GABRB1: variants seen among roughly 807,000 people sequenced by gnomAD.
GABRB1 encodes the protein gamma-aminobutyric acid type A receptor subunit beta1, also known as gamma-aminobutyric acid receptor subunit beta-1.
In GABRB1, 17 loss-of-function variants were observed where a neutral mutation model predicts 51.6. That is an observed-to-expected ratio of 0.33 (90% CI 0.23 to 0.49). The LOEUF is 0.49. Ranked by LOEUF, GABRB1 falls within the 20% of genes least tolerant of loss-of-function variation. GABRB1 has a pLI of 0.99. For synonymous variants in GABRB1, 247 were observed against 218.9 expected (o/e 1.13, Z -1.14); for missense variants, 410 against 600.6 (o/e 0.68, Z 3.32).
chr4:47,208,339 G>A (rs1720220618), intron 4 of GABRB1, among the ~76,000 whole-genome samples: 1 of 152,024 alleles, frequency 6.6e-6, no homozygotes, highest in South Asian at 2.1e-4. Flanking sequence ...TGAAGAGATG[G>A]GGAATGGGGA....
intron 4 of GABRB1, among the ~76,000 whole-genome samples, chr4:47,288,043 G>T (rs1033868578): frequency 1.3e-5 from 2 of 152,166 alleles, no homozygotes; most frequent in Admixed American, 6.5e-5. Context: ...AGCCCAGTTT[G>T]TTGGCTCGCA....
rs112482372 is a variant in GABRB1 at position 47,212,633 on chromosome 4, C to G, written c.461+51164C>G. Among the ~76,000 whole-genome samples the G allele has an allele frequency of 1.1e-4, 16 of 152,034 alleles. 1 individual carries two copies. The highest frequency in any genetic ancestry group is 7.2e-4 in the Admixed American group (11 of 15,254). ...GGTGGAGGTTGCAGTGAGCCGAGAT[C>G]GTGTTGCTGCACTCCAGCCTGAGTG... On this transcript the variant is annotated intron_variant, in intron 4 of 8. Transcript: ENST00000295454.
At chr4:47,160,572 C>A (rs940844033) in intron 3 of GABRB1, among the ~76,000 whole-genome samples, 1 of 152,076 alleles carries the variant, frequency 6.6e-6, no homozygotes, top group African/African-American at 2.4e-5. Context: ...CAAAACAGAA[C>A]TGTAATATAA....
rs60968247 is a variant in GABRB1 at position 47,246,337 on chromosome 4, CATATATATATATATATATAT to C, written c.462-73750_462-73731del. Among the ~76,000 whole-genome samples the C allele has an allele frequency of 5.4e-3, 289 of 53,264 alleles. 2 individuals carry two copies. The highest frequency in any genetic ancestry group is 7.0e-3 in the African/African-American group (126 of 18,038). The allele number at this position is 53,264 out of a possible 152,430, so 34.9% of individuals were successfully genotyped here. A position where few individuals can be genotyped will look rare whatever the true frequency, so the allele number is the denominator to read the frequency against. ...ACACACACACACACACACATATGTA[CATATATATATATATATATAT>C]ATATATATATATATATATATATATA... On this transcript the variant is annotated intron_variant, in intron 4 of 8. Transcript: ENST00000295454.
intron 4 of GABRB1, among the ~76,000 whole-genome samples, chr4:47,312,581 T>C (rs754728570): frequency 1.3e-5 from 2 of 152,224 alleles, no homozygotes; most frequent in Non-Finnish European, 2.9e-5. Flanking sequence ...ATATCAATCT[T>C]GTAACAGCTA....
chr4:47,168,056 T>C (rs1035427746), intron 4 of GABRB1, among the ~76,000 whole-genome samples: 8 of 152,196 alleles, frequency 5.3e-5, no homozygotes, highest in Non-Finnish European at 8.8e-5. Flanking sequence ...TATGCATACA[T>C]TGTAAGTATA....
At chr4:47,002,579 T>G (rs1400146445) in intron 1 of GABRB1, among the ~76,000 whole-genome samples, 1 of 151,914 alleles carries the variant, frequency 6.6e-6, no homozygotes, top group Non-Finnish European at 1.5e-5. Context: ...ATGTATGTGT[T>G]TTTTTTTCTG....
intron 3 of GABRB1, among the ~76,000 whole-genome samples, chr4:47,151,025 A>G (rs969587888): frequency 6.6e-6 from 1 of 151,936 alleles, no homozygotes; most frequent in African/African-American, 2.4e-5. Context: ...TATTCATTCT[A>G]TTTTAAGACT....
At chr4:47,175,805 C>T (rs926519100) in intron 4 of GABRB1, among the ~76,000 whole-genome samples, 5 of 152,128 alleles carry the variant, frequency 3.3e-5, no homozygotes, top group African/African-American at 1.2e-4. Flanking sequence ...AAGCTATATG[C>T]TTAGTCTGTC....
At chr4:47,280,143 T>C (rs1183478895) in intron 4 of GABRB1, among the ~76,000 whole-genome samples, 1 of 152,040 alleles carries the variant, frequency 6.6e-6, no homozygotes, top group Non-Finnish European at 1.5e-5. Flanking sequence ...TTTGAAATCT[T>C]TATCTTTTGT....
intron 3 of GABRB1, among the ~76,000 whole-genome samples, chr4:47,071,966 A>C (rs1018197482): frequency 2.0e-5 from 3 of 151,526 alleles, no homozygotes; most frequent in Non-Finnish European, 2.9e-5. Context: ...CCATTATGTG[A>C]TTGTAAATTT....
intron 1 of GABRB1, among the ~76,000 whole-genome samples, chr4:47,022,622 A>G (rs1431012687): frequency 1.3e-5 from 2 of 152,090 alleles, no homozygotes; most frequent in Admixed American, 1.3e-4. Context: ...CCCAGTTAAA[A>G]TAGCTTAGAT....
At chr4:47,257,530 G>C (rs1224593184) in intron 4 of GABRB1, among the ~76,000 whole-genome samples, 1 of 151,960 alleles carries the variant, frequency 6.6e-6, no homozygotes, top group Non-Finnish European at 1.5e-5. Flanking sequence ...CAAGCTCCTA[G>C]AGCCTGCTGT....
intron 5 of GABRB1, among the ~76,000 whole-genome samples, chr4:47,328,166 T>G (rs978650579): frequency 8.5e-5 from 13 of 152,202 alleles, no homozygotes; most frequent in Non-Finnish European, 5.9e-5. Context: ...TTGTTTGTTT[T>G]TTTTCTTGTA....
chr4:47,059,458 C>G (rs1329271006), intron 3 of GABRB1, among the ~76,000 whole-genome samples: 5 of 152,160 alleles, frequency 3.3e-5, no homozygotes, highest in Non-Finnish European at 5.9e-5. Context: ...AGGCATGCAA[C>G]ACGGCACCTG....
chr4:47,317,690 T>C (rs2109960116), intron 4 of GABRB1, among the ~76,000 whole-genome samples: 1 of 152,080 alleles, frequency 6.6e-6, no homozygotes, highest in East Asian at 1.9e-4. Flanking sequence ...AATGTTCATA[T>C]CTGTGAGCTT....
intron 3 of GABRB1, among the ~76,000 whole-genome samples, chr4:47,059,177 A>G (rs533918877): frequency 6.6e-6 from 1 of 152,330 alleles, no homozygotes; most frequent in Admixed American, 6.5e-5. Context: ...GGATTCTTCA[A>G]GACTACTACA....
intron 3 of GABRB1, among the ~76,000 whole-genome samples, chr4:47,107,776 C>G (rs1358605601): frequency 6.6e-6 from 1 of 151,994 alleles, no homozygotes; most frequent in Non-Finnish European, 1.5e-5. Context: ...AAAAGTTGCT[C>G]TTTATCAGCA....
chr4:47,269,935 T>TACACAC (rs10639386), intron 4 of GABRB1, among the ~76,000 whole-genome samples: 20,258 of 135,860 alleles, frequency 0.15, 1,914 homozygotes, highest in East Asian at 0.25. Flanking sequence ...CAACTCTCCC[T>TACACAC]ACACACACAC....
Sources: gnomAD v4.1 joint callset for allele counts (sites outside exome capture counted in the v4.1 genomes callset) on GRCh38, gnomAD v4.1.1 for gene constraint, MANE v1.5 for transcripts, NCBI Gene and HGNC (gene_info 2026-07-23, HGNC 2026-07-21) for gene names.